The following ARHGAP15 variants were observed in gnomAD, a reference collection of about 807,000 sequenced individuals.
ARHGAP15 encodes Rho GTPase activating protein 15.
In ARHGAP15, 51 loss-of-function variants were observed where a neutral mutation model predicts 63.7. The ratio of observed to expected loss-of-function variants is 0.80; its 90% CI spans 0.64 to 1.01. The LOEUF (loss-of-function observed/expected upper bound fraction) is 1.01. Among genes scored for constraint, ARHGAP15 ranks in the 50% least tolerant of loss-of-function variants. ARHGAP15 has a pLI of 0.00. For synonymous variants in ARHGAP15, 191 were observed against 193.8 expected, an observed-to-expected ratio of 0.99 and a Z score of 0.12; for missense variants, 560 against 564.6, an observed-to-expected ratio of 0.99 and a Z score of 0.08.
At chr2:143,338,067 T>C (rs1430110632) in intron 6 of ARHGAP15, among the ~76,000 whole-genome samples, 1 of 152,154 alleles carries the variant, frequency 6.6e-6, no homozygotes, top group Non-Finnish European at 1.5e-5. Flanking sequence ...AGCATTAATC[T>C]AACTCTTATA....
At chr2:143,745,860 G>A (rs1380589902) in intron 13 of ARHGAP15, among the ~76,000 whole-genome samples, 5 of 152,184 alleles carry the variant, frequency 3.3e-5, no homozygotes. Flanking sequence ...GCTGAGCAAG[G>A]CTAAGTGAGT....
At chr2:143,238,518 G>T (rs952033227) in intron 5 of ARHGAP15, among the ~76,000 whole-genome samples, 2 of 152,070 alleles carry the variant, frequency 1.3e-5, no homozygotes, top group Non-Finnish European at 2.9e-5. Flanking sequence ...AGTCAGAATG[G>T]CAATTATTAA....
At chr2:143,229,840 G>A (rs1022691987) in intron 5 of ARHGAP15, among the ~76,000 whole-genome samples, 27 of 152,124 alleles carry the variant, frequency 1.8e-4, no homozygotes, top group Admixed American at 6.5e-5. Flanking sequence ...CATTTGACTT[G>A]CTTCTGATAA....
chr2:143,637,746 A>T lies in ARHGAP15; in HGVS notation c.1138+13479A>T, dbSNP rs74617509. 2.0e-5 allele frequency among the ~76,000 whole-genome samples: 3 copies of T among 151,936 alleles called. 1 individual carries two copies. The highest frequency in any genetic ancestry group is 3.4e-3 in the Middle Eastern group (1 of 294). On this transcript the variant is annotated intron_variant, in intron 12 of 13. Coordinates refer to ENST00000295095, the MANE Select transcript of ARHGAP15 (RefSeq NM_018460.4). ...TCAAATATTGTGCCAAAAAAAAAAA[A>T]CTCATCCGACAAAGGGCTAATATCC... is the stretch of plus-strand genomic sequence containing the variant.
At chr2:143,545,258 C>G (rs1695279229) in intron 10 of ARHGAP15, among the ~76,000 whole-genome samples, 1 of 152,092 alleles carries the variant, frequency 6.6e-6, no homozygotes, top group South Asian at 2.1e-4. Flanking sequence ...AGTGGCAAGC[C>G]AAAGGGTCTG....
At chr2:143,324,837 A>G (rs978331729) in intron 6 of ARHGAP15, among the ~76,000 whole-genome samples, 3 of 152,204 alleles carry the variant, frequency 2.0e-5, no homozygotes, top group African/African-American at 7.2e-5. Flanking sequence ...TGACATTTTG[A>G]TGAATTTTCA....
chr2:143,240,008 A>AC (rs1693802691), intron 5 of ARHGAP15, among the ~76,000 whole-genome samples: 1 of 147,202 alleles, frequency 6.8e-6, no homozygotes, highest in Non-Finnish European at 1.5e-5. Flanking sequence ...AAAAAAAAAA[A>AC]AAAAAAAAAA....
intron 11 of ARHGAP15, chr2:143,587,909 C>T (rs1334441970): frequency 3.9e-6 from 1 of 255,528 alleles, no homozygotes; most frequent in East Asian, 9.2e-5. Context: ...AGCACCTCAA[C>T]TAACTGAACC....
intron 6 of ARHGAP15, among the ~76,000 whole-genome samples, chr2:143,278,412 A>G (rs1303210127): frequency 6.6e-6 from 1 of 152,180 alleles, no homozygotes; most frequent in Non-Finnish European, 1.5e-5. Flanking sequence ...GAATGGAGGT[A>G]CCATAGTTGA....
rs138626970 is a variant in ARHGAP15 at position 143,465,549 on chromosome 2, A to C, written c.704-21824A>C. On this transcript the variant is annotated intron_variant, in intron 8 of 13. Coordinates refer to ENST00000295095, the MANE Select transcript of ARHGAP15 (RefSeq NM_018460.4). ...TCAGGGTATAACTGGCAGTCCTTTTAAATATCTGTTGTATTTATTTTAGCA... is the reference window on the plus strand; with the variant it reads ...TCAGGGTATAACTGGCAGTCCTTTTCAATATCTGTTGTATTTATTTTAGCA... Among the ~76,000 whole-genome samples, 451 of 152,252 alleles carry C rather than the reference A, an allele frequency of 3.0e-3. 3 individuals are homozygous for C. Among genetic ancestry groups the C allele is most frequent in the Non-Finnish European group, 5.3e-3 (359 of 68,004 alleles).
chr2:143,235,118 C>T (rs1365480300), intron 5 of ARHGAP15, among the ~76,000 whole-genome samples: 1 of 151,778 alleles, frequency 6.6e-6, no homozygotes. Context: ...TGAAATTCTA[C>T]AATGAACAGC....
chr2:143,302,661 A>ATT (rs1682958474), intron 6 of ARHGAP15, among the ~76,000 whole-genome samples: 1 of 152,040 alleles, frequency 6.6e-6, no homozygotes, highest in Admixed American at 6.6e-5. Flanking sequence ...CAGGTAGTGA[A>ATT]CTATCCACCC....
chr2:143,155,478 A>G lies in ARHGAP15; in HGVS notation c.-13A>G, dbSNP rs769590441. The G allele has an allele frequency of 3.8e-6, 6 of 1,592,550 alleles. No individual in the cohort carries two copies. The Admixed American group carries it at 7.3e-5, about 19-fold the overall frequency. ...ATAATACATTTTATATTTTATCAGGATAGCACTATAATATGCAGAAATCTA... is the reference window on the plus strand; with the variant it reads ...ATAATACATTTTATATTTTATCAGGGTAGCACTATAATATGCAGAAATCTA... On this transcript the variant is annotated splice_region_variant and 5_prime_UTR_variant, in exon 2 of 14. Coordinates refer to ENST00000295095, the MANE Select transcript of ARHGAP15 (RefSeq NM_018460.4).
At chr2:143,666,013 A>G (rs543256385) in intron 12 of ARHGAP15, among the ~76,000 whole-genome samples, 1 of 151,130 alleles carries the variant, frequency 6.6e-6, no homozygotes, top group African/African-American at 2.4e-5. Context: ...TTACAGATTC[A>G]ATGCCAACCC....
intron 12 of ARHGAP15, among the ~76,000 whole-genome samples, chr2:143,653,266 ATT>A (rs1175938338): frequency 2.0e-5 from 3 of 152,014 alleles, no homozygotes; most frequent in Admixed American, 2.0e-4. Flanking sequence ...TTTCATTAAA[ATT>A]TTCTTTAGAA....
At chr2:143,283,029 G>A (rs1228400238) in intron 6 of ARHGAP15, among the ~76,000 whole-genome samples, 2 of 152,096 alleles carry the variant, frequency 1.3e-5, no homozygotes, top group Non-Finnish European at 2.9e-5. Flanking sequence ...AGTATAAATT[G>A]CCACTCACCA....
chr2:143,486,281 A>C (rs539756103), intron 8 of ARHGAP15, among the ~76,000 whole-genome samples: 1 of 151,968 alleles, frequency 6.6e-6, no homozygotes, highest in Non-Finnish European at 1.5e-5. Flanking sequence ...TAATAATAAG[A>C]CACCTTGGGC....
chr2:143,356,088 A>C (rs376090911), intron 6 of ARHGAP15, among the ~76,000 whole-genome samples: 1 of 152,062 alleles, frequency 6.6e-6, no homozygotes, highest in East Asian at 1.9e-4. Flanking sequence ...GAAAGAAAGC[A>C]TTCTGATGCC....
At chr2:143,373,741 G>A (rs1401841123) in intron 6 of ARHGAP15, among the ~76,000 whole-genome samples, 1 of 150,992 alleles carries the variant, frequency 6.6e-6, no homozygotes, top group Non-Finnish European at 1.5e-5. Flanking sequence ...AAGTCTCAGA[G>A]AAGCACATCA....
Sources: allele counts gnomAD v4.1 joint callset (sites outside exome capture counted in the v4.1 genomes callset), GRCh38; gene constraint gnomAD v4.1.1; transcripts MANE v1.5; gene names NCBI Gene and HGNC (gene_info 2026-07-23, HGNC 2026-07-21).